Variants in MDGA2 observed in about 807,000 individuals in gnomAD.
MDGA2 encodes MAM domain containing glycosylphosphatidylinositol anchor 2.
Under a neutral mutation model 117.8 loss-of-function variants are expected in MDGA2, and 40 were observed. That is an observed-to-expected ratio of 0.34 (90% confidence interval 0.26 to 0.44). The LOEUF is 0.44. Ranked by LOEUF, MDGA2 falls within the 20% of genes least tolerant of loss-of-function variation. MDGA2 has a pLI of 1.00. For missense variants in MDGA2, 1,123 were observed against 1,250.6 expected, an observed-to-expected ratio of 0.90 and a Z score of 1.54; for synonymous variants, 452 against 439.0, an observed-to-expected ratio of 1.03 and a Z score of -0.37.
chr14:47,565,900 G>C (rs1895909014), intron 1 of MDGA2, among the ~76,000 whole-genome samples: 1 of 152,194 alleles, frequency 6.6e-6, no homozygotes, highest in South Asian at 2.1e-4. Context: ...GGATGTCCTT[G>C]TGTTCATTCA....
intron 1 of MDGA2, among the ~76,000 whole-genome samples, chr14:47,312,688 G>GTTTTT (rs1186421912): frequency 4.8e-5 from 5 of 104,286 alleles, no homozygotes; most frequent in African/African-American, 1.2e-4. Flanking sequence ...TTTTTTTTTT[G>GTTTTT]TTTTGTTTTG....
chr14:47,546,707 A>G (rs1385684837), intron 1 of MDGA2, among the ~76,000 whole-genome samples: 3 of 152,166 alleles, frequency 2.0e-5, no homozygotes, highest in South Asian at 4.1e-4. Context: ...CTGGCCATCA[A>G]AGAAGGGTTG....
intron 5 of MDGA2, among the ~76,000 whole-genome samples, chr14:47,106,406 C>T (rs1220632087): frequency 3.9e-5 from 6 of 151,952 alleles, no homozygotes; most frequent in Non-Finnish European, 7.4e-5. Context: ...AGGCCTGAAC[C>T]GCAGCAGCCA....
At chr14:47,058,058 T>G (rs562612153) in intron 7 of MDGA2, among the ~76,000 whole-genome samples, 27 of 152,246 alleles carry the variant, frequency 1.8e-4, no homozygotes, top group African/African-American at 6.5e-4. Context: ...GCTCTGTCAT[T>G]TAAGAAAAAT....
At chr14:47,358,721 G>T (rs1302388624) in intron 1 of MDGA2, among the ~76,000 whole-genome samples, 1 of 152,086 alleles carries the variant, frequency 6.6e-6, no homozygotes. Flanking sequence ...GACAGCATTA[G>T]AAATAATAAA....
intron 5 of MDGA2, among the ~76,000 whole-genome samples, chr14:47,098,628 A>G (rs1359301434): frequency 6.6e-5 from 10 of 151,896 alleles, no homozygotes. Flanking sequence ...TTATTAATAT[A>G]TCATCATGAA....
At chr14:47,301,764 A>G (rs990611061) in intron 1 of MDGA2, among the ~76,000 whole-genome samples, 11 of 152,222 alleles carry the variant, frequency 7.2e-5, no homozygotes, top group Non-Finnish European at 2.9e-5. Context: ...TTTCCAGGGG[A>G]ACAAGGTAGT....
chr14:47,348,586 T>C (rs1475914635), intron 1 of MDGA2, among the ~76,000 whole-genome samples: 3 of 152,136 alleles, frequency 2.0e-5, no homozygotes, highest in African/African-American at 2.4e-5. Flanking sequence ...GAGAGGGGGA[T>C]AGTTTCTCGA....
chr14:46,996,638 G>A (rs1483289534), intron 8 of MDGA2: 3 of 154,054 alleles, frequency 1.9e-5, no homozygotes, highest in Non-Finnish European at 2.9e-5. Context: ...AGATATTGCA[G>A]AGAGGACTCC....
Position 47,301,549 on chromosome 14 carries a change from A to C in MDGA2, c.282T>G (p.Ala94=), listed in dbSNP as rs1308056759. ...LEGISGQGVY[A]PPTVRIVHSG... is the part of the protein sequence containing the mutation. ...AGTGCACAATACGAACCGTGGGAGG[A>C]GCTGTCGAGTCAGGAAGAAGAGAGA... is the stretch of plus-strand genomic sequence containing the variant. Residue 94 remains alanine, a splice_region_variant and synonymous_variant, in exon 2 of 17, where the codon GCT becomes GCG. Coordinates refer to ENST00000399232, the MANE Select transcript of MDGA2 (RefSeq NM_001113498.3). 1 of 1,551,556 alleles carries C rather than the reference A, an allele frequency of 6.4e-7. No homozygotes were observed. Among genetic ancestry groups the C allele is most frequent in the South Asian group, 1.2e-5 (1 of 84,052 alleles).
chr14:47,402,064 G>C (rs1238994237), intron 1 of MDGA2, among the ~76,000 whole-genome samples: 2 of 152,146 alleles, frequency 1.3e-5, no homozygotes, highest in Admixed American at 6.5e-5. Flanking sequence ...TGTGGGCTAG[G>C]AGAAATACTT....
At chr14:47,083,649 A>G (rs926104502) in intron 6 of MDGA2, among the ~76,000 whole-genome samples, 2 of 152,106 alleles carry the variant, frequency 1.3e-5, no homozygotes. Flanking sequence ...GGCAAAGTGG[A>G]TTTAAAAAAC....
At chr14:47,273,676 C>A (rs2139710637) in intron 2 of MDGA2, among the ~76,000 whole-genome samples, 1 of 152,042 alleles carries the variant, frequency 6.6e-6, no homozygotes, top group Non-Finnish European at 1.5e-5. Context: ...TATTTATTTT[C>A]AAACATTTAG....
At chr14:46,944,169 C>T (rs1325561502) in intron 9 of MDGA2, among the ~76,000 whole-genome samples, 1 of 151,832 alleles carries the variant, frequency 6.6e-6, no homozygotes, top group Non-Finnish European at 1.5e-5. Flanking sequence ...TCACAGACTA[C>T]CAATTCTCTG....
chr14:47,070,145 T>C (rs1177926060), intron 6 of MDGA2, among the ~76,000 whole-genome samples: 1 of 152,198 alleles, frequency 6.6e-6, no homozygotes, highest in Non-Finnish European at 1.5e-5. Flanking sequence ...TGTTGTGCTA[T>C]CAAATACTAG....
intron 5 of MDGA2, among the ~76,000 whole-genome samples, chr14:47,104,596 C>T (rs1880537818): frequency 6.6e-6 from 1 of 151,060 alleles, no homozygotes; most frequent in African/African-American, 2.4e-5. Context: ...TCGGACTCAG[C>T]CTGCCTGCAC....
At chr14:47,292,171 A>G (rs1371399704) in intron 2 of MDGA2, among the ~76,000 whole-genome samples, 1 of 152,200 alleles carries the variant, frequency 6.6e-6, no homozygotes, top group Non-Finnish European at 1.5e-5. Flanking sequence ...GAATAGATGC[A>G]TGATGGAGAC....
chr14:47,605,849 C>G (rs1356902039), intron 1 of MDGA2, among the ~76,000 whole-genome samples: 1 of 152,062 alleles, frequency 6.6e-6, no homozygotes, highest in African/African-American at 2.4e-5. Context: ...TAATCCAATT[C>G]CTTCCCCATC....
intron 8 of MDGA2, among the ~76,000 whole-genome samples, chr14:47,019,813 G>T (rs976138995): frequency 5.3e-5 from 8 of 150,276 alleles, no homozygotes; most frequent in African/African-American, 1.2e-4. Context: ...CACTCCAGCC[G>T]GGGCGACAGA....
Sources: gnomAD v4.1 joint callset for allele counts (sites outside exome capture counted in the v4.1 genomes callset) on GRCh38, gnomAD v4.1.1 for gene constraint, MANE v1.5 for transcripts, NCBI Gene and HGNC (gene_info 2026-07-23, HGNC 2026-07-21) for gene names.